The following SIPA1L3 variants were observed in gnomAD, a reference collection of about 807,000 sequenced individuals.
SIPA1L3 encodes signal induced proliferation associated 1 like 3, also known as signal-induced proliferation-associated 1-like protein 3.
In SIPA1L3, 59 loss-of-function variants were observed where a neutral mutation model predicts 150.1. The observed-to-expected ratio is 0.39, with a 90% confidence interval of 0.32 to 0.49. SIPA1L3 has a LOEUF of 0.49. SIPA1L3 is among the 20% of genes least tolerant of loss of function. The pLI, the probability that SIPA1L3 is intolerant of heterozygous loss-of-function variation, is 0.86. For synonymous variants in SIPA1L3, 1,070 were observed against 1,077.6 expected (o/e 0.99, Z 0.14); for missense variants, 2,211 against 2,489.5 (o/e 0.89, Z 2.38).
At chr19:38,071,685 C>T (rs1969727345) in intron 2 of SIPA1L3, among the ~76,000 whole-genome samples, 1 of 152,192 alleles carries the variant, frequency 6.6e-6, no homozygotes, top group South Asian at 2.1e-4. Flanking sequence ...CCTTTGTGAT[C>T]AGCAGGGTCC....
chr19:38,101,389 GTGTTGTTGTACTTGT>G (rs1970500242), intron 6 of SIPA1L3, among the ~76,000 whole-genome samples, 163 bp downstream of exon 6: 1 of 152,094 alleles, frequency 6.6e-6, no homozygotes, highest in African/African-American at 2.4e-5. Flanking sequence ...TTATTTTTTC[GTGTTGTTGTACTTGT>G]TGTTGTTGTT....
intron 15 of SIPA1L3, among the ~76,000 whole-genome samples, chr19:38,178,698 G>A (rs944264988): frequency 1.3e-5 from 2 of 152,004 alleles, no homozygotes; most frequent in Non-Finnish European, 2.9e-5. Context: ...GGATGGTCTC[G>A]ATCTCCTGAC....
intron 6 of SIPA1L3, among the ~76,000 whole-genome samples, chr19:38,105,587 C>T (rs984045098): frequency 2.0e-5 from 3 of 152,130 alleles, no homozygotes; most frequent in Non-Finnish European, 4.4e-5. Flanking sequence ...CATTTCTTTG[C>T]TTTTCTTCAT....
Position 38,055,476 on chromosome 19 carries a change from A to G in SIPA1L3, c.-310-25780A>G, listed in dbSNP as rs191620260. 2.4e-3 allele frequency among the ~76,000 whole-genome samples: 369 copies of G among 152,358 alleles called. 2 individuals carry two copies. Among genetic ancestry groups the G allele is most frequent in the Non-Finnish European group, 4.1e-3 (279 of 68,038 alleles). Reference sequence around the variant, plus strand: ...TTATTAGGAAAACAATAGCTTCGCCAAAAGGTCCCATCCCCCATCCCCTGC... The same window carrying G: ...TTATTAGGAAAACAATAGCTTCGCCGAAAGGTCCCATCCCCCATCCCCTGC... On this transcript the variant is annotated intron_variant, in intron 2 of 21. Coordinates refer to ENST00000222345, the MANE Select transcript of SIPA1L3 (RefSeq NM_015073.3).
At chr19:38,196,376 GGAGCATGGAGGTCAAGGGCA>G (rs1972935771) in intron 18 of SIPA1L3, among the ~76,000 whole-genome samples, 2 of 52,310 alleles carry the variant, frequency 3.8e-5, no homozygotes, top group Admixed American at 2.2e-4. Flanking sequence ...GGCCAAGGGC[GGAGCATGGAGGTCAAGGGCA>G]GAGCAAGGAG....
chr19:37,910,652 T>C (rs1469116231), intron 1 of SIPA1L3, among the ~76,000 whole-genome samples: 1 of 152,230 alleles, frequency 6.6e-6, no homozygotes, highest in East Asian at 1.9e-4. Context: ...TGGCCCAGGC[T>C]GGAGTGCAGT....
intron 8 of SIPA1L3, among the ~76,000 whole-genome samples, chr19:38,113,912 T>G (rs970296741): frequency 6.6e-6 from 1 of 152,164 alleles, no homozygotes; most frequent in African/African-American, 2.4e-5. Context: ...CCTTTCTGTT[T>G]CAAGTGTGCA....
intron 13 of SIPA1L3, 96 bp from the exon 14 acceptor site, chr19:38,162,156 GC>G: frequency 1.2e-6 from 1 of 862,102 alleles, no homozygotes; most frequent in Non-Finnish European, 2.0e-6. Flanking sequence ...ATGGGGTCAT[GC>G]CGTGGGTGAG....
chr19:38,205,903 C>A (rs1221232447), intron 21 of SIPA1L3, among the ~76,000 whole-genome samples, 194 bp from the exon 22 acceptor site: 1 of 152,200 alleles, frequency 6.6e-6, no homozygotes, highest in Non-Finnish European at 1.5e-5. Flanking sequence ...GGTAGAGTTG[C>A]GGGAACCAAG....
chr19:37,985,188 T>C (rs892354123), intron 1 of SIPA1L3, among the ~76,000 whole-genome samples: 8 of 151,838 alleles, frequency 5.3e-5, no homozygotes, highest in Non-Finnish European at 1.0e-4. Flanking sequence ...CTTAAAAAAA[T>C]TGTTTTTTTC....
At chr19:37,966,972 T>C (rs1446427333) in intron 1 of SIPA1L3, among the ~76,000 whole-genome samples, 1 of 152,054 alleles carries the variant, frequency 6.6e-6, no homozygotes, top group Non-Finnish European at 1.5e-5. Flanking sequence ...TCAGTTTTAT[T>C]AGGGCTGCCA....
chr19:38,129,552 G>A (rs1191700563), intron 9 of SIPA1L3, among the ~76,000 whole-genome samples: 1 of 151,736 alleles, frequency 6.6e-6, no homozygotes, highest in Non-Finnish European at 1.5e-5. Context: ...TTGAACCCGG[G>A]AGGCGGAGGT....
intron 1 of SIPA1L3, among the ~76,000 whole-genome samples, chr19:37,990,258 G>A (rs2145633681): frequency 6.6e-6 from 1 of 152,290 alleles, no homozygotes; most frequent in East Asian, 1.9e-4. Context: ...TAGGGACAGA[G>A]GCATCTTTTT....
chr19:37,962,146 CTT>C (rs369762947), intron 1 of SIPA1L3, among the ~76,000 whole-genome samples: 11 of 142,176 alleles, frequency 7.7e-5, no homozygotes, highest in Admixed American at 1.4e-4. Flanking sequence ...TTCTTTCATT[CTT>C]TTTTTTTTTT....
intron 2 of SIPA1L3, among the ~76,000 whole-genome samples, chr19:38,031,210 T>G (rs976808993): frequency 1.3e-5 from 2 of 152,208 alleles, no homozygotes; most frequent in African/African-American, 2.4e-5. Context: ...TACATCCAGC[T>G]TCCCCCATGT....
chr19:38,071,901 A>G (rs1600004700), intron 2 of SIPA1L3, among the ~76,000 whole-genome samples: 1 of 152,222 alleles, frequency 6.6e-6, no homozygotes, highest in Non-Finnish European at 1.5e-5. Flanking sequence ...GGAGTGATCA[A>G]GAGTTCAGGT....
At chr19:38,203,406 C>T (rs1379850229) in intron 20 of SIPA1L3, among the ~76,000 whole-genome samples, 1 of 152,216 alleles carries the variant, frequency 6.6e-6, no homozygotes. Context: ...TGCCTGTGCA[C>T]GCACGGCATC....
chr19:38,121,219 A>G (rs942902483), intron 9 of SIPA1L3, among the ~76,000 whole-genome samples: 4 of 152,160 alleles, frequency 2.6e-5, no homozygotes, highest in African/African-American at 9.7e-5. Context: ...CAGGTAGATC[A>G]TGAGGTCAGG....
At chr19:38,012,466 A>C (rs1968126897) in intron 1 of SIPA1L3, among the ~76,000 whole-genome samples, 1 of 152,048 alleles carries the variant, frequency 6.6e-6, no homozygotes, top group Non-Finnish European at 1.5e-5. Context: ...CTGTACAGGG[A>C]ACCTCCCCTG....
Sources: gnomAD v4.1 joint callset for allele counts (sites outside exome capture counted in the v4.1 genomes callset) on GRCh38, gnomAD v4.1.1 for gene constraint, MANE v1.5 for transcripts, NCBI Gene and HGNC (gene_info 2026-07-23, HGNC 2026-07-21) for gene names.